The following ARHGEF1 variants were observed in gnomAD, a reference collection of about 807,000 sequenced individuals.
ARHGEF1 encodes the protein 115 kDa guanine nucleotide exchange factor.
ARHGEF1 carries 40 observed loss-of-function variants against 119.7 expected under a neutral mutation model. The ratio of observed to expected loss-of-function variants is 0.33; its 90% CI spans 0.26 to 0.44. The LOEUF (loss-of-function observed/expected upper bound fraction) is 0.44. Ranked by LOEUF, ARHGEF1 falls within the 20% of genes least tolerant of loss-of-function variation. The pLI is 1.00. For missense variants in ARHGEF1, 976 were observed against 1,268.3 expected, an observed-to-expected ratio of 0.77 and a Z score of 3.50; for synonymous variants, 494 against 521.0, an observed-to-expected ratio of 0.95 and a Z score of 0.71.
chr19:41,924,014 A>C (rs1555853034), intron 1 of ARHGEF1, among the ~76,000 whole-genome samples: 1 of 11,974 alleles, frequency 8.4e-5, no homozygotes, highest in Non-Finnish European at 1.5e-4. Flanking sequence ...GTGTCTGGGG[A>C]GGTGGGGGTG....
downstream of ARHGEF1, among the ~76,000 whole-genome samples, chr19:41,910,476 A>G (rs1174989570): frequency 6.6e-6 from 1 of 152,042 alleles, no homozygotes; most frequent in Non-Finnish European, 1.5e-5. The surrounding 1 kb of genome is among the most constrained non-coding windows in gnomAD (Gnocchi z 4.4). Flanking sequence ...AGCCAGCCCT[A>G]GGAGGTCTCT....
rs1293678066 is a variant in ARHGEF1 at position 41,917,722 on chromosome 19, C to T, written c.1866-5370C>T. ...TCAGGCACAATCTGGGGACATATCT[C>T]TCCTTACGCCACACGCCCATGTAGG... On this transcript the variant is annotated intron_variant, in intron 18 of 20. Transcript: ENST00000599589. This position sits in a 1 kb window ranked among gnomAD's most constrained non-coding sequence, Gnocchi z 4.8. Among the ~76,000 whole-genome samples, 2 of 151,842 alleles carry T rather than the reference C, an allele frequency of 1.3e-5. No individual in the cohort carries two copies. The highest frequency in any genetic ancestry group is 4.8e-5 in the African/African-American group (2 of 41,244).
At chr19:41,898,091 C>T in intron 13 of ARHGEF1, 1 of 1,377,412 alleles carries the variant, frequency 7.3e-7, no homozygotes, top group Non-Finnish European at 9.3e-7. Context: ...CACGGCAGTG[C>T]TTGGCCCTGC....
chr19:41,911,193 C>T (rs1891396363), downstream of ARHGEF1, among the ~76,000 whole-genome samples: 1 of 152,178 alleles, frequency 6.6e-6, no homozygotes, highest in African/African-American at 2.4e-5. Flanking sequence ...GGGGAGTACT[C>T]CACTGTCCAC....
chr19:41,886,997 C>T (rs1469588664), intron 1 of ARHGEF1, among the ~76,000 whole-genome samples: 1 of 151,920 alleles, frequency 6.6e-6, no homozygotes, highest in African/African-American at 2.4e-5. Flanking sequence ...CAAGGAGAGA[C>T]AAAGATGGGA....
chr19:41,890,050 T>C (rs2046307494), intron 4 of ARHGEF1: 2 of 152,240 alleles, frequency 1.3e-5, no homozygotes, highest in Non-Finnish European at 2.9e-5. Flanking sequence ...TATTCTCGCA[T>C]AGCTCCCTCA....
At position 41,888,377 on chromosome 19, in the gene ARHGEF1, C is replaced by A; in HGVS notation, c.111+99C>A. ...ATGCTGTCTTCTTGGCCTTTTCCCA[C>A]GGTCTGTCTCATCCTCTCATCTCCC... On this transcript the variant is annotated intron_variant, in intron 3 of 28. Coordinates refer to ENST00000354532, the MANE Select transcript of ARHGEF1 (RefSeq NM_004706.4). This position sits in a 1 kb window ranked among gnomAD's most constrained non-coding sequence, Gnocchi z 5.1. 1 of 1,222,890 alleles carries A rather than the reference C, an allele frequency of 8.2e-7. No homozygotes were observed. The highest frequency in any genetic ancestry group is 1.2e-6 in the Non-Finnish European group (1 of 856,670). The allele number at this position is 1,222,890 out of a possible 1,614,324, so 75.8% of individuals were successfully genotyped here. A position where few individuals can be genotyped will look rare whatever the true frequency, so the allele number is the denominator to read the frequency against.
chr19:41,927,475 C>T (rs1178426930), intron 1 of ARHGEF1, among the ~76,000 whole-genome samples: 1 of 152,088 alleles, frequency 6.6e-6, no homozygotes, highest in Non-Finnish European at 1.5e-5. Context: ...CAAGTCCAAA[C>T]TCCTATGCTG....
In ARHGEF1 at chr19:41,904,168, G is replaced by A. The variant is rs371016646; in HGVS notation, c.1994-48G>A. 1.8e-5 allele frequency: 29 copies of A among 1,612,910 alleles called. No homozygotes were observed. Among genetic ancestry groups the A allele is most frequent in the Middle Eastern group, 1.6e-4 (1 of 6,076 alleles). On this transcript the variant is annotated intron_variant, in intron 21 of 28. Coordinates refer to ENST00000354532, the MANE Select transcript of ARHGEF1 (RefSeq NM_004706.4). This position sits in a 1 kb window ranked among gnomAD's most constrained non-coding sequence, Gnocchi z 8.4. ...GTTGGGGCAGTGAGCCAAGGGCGGG[G>A]AGGGGGTCGCGCGGGGGCACGCCGT...
In ARHGEF1 at chr19:41,889,815, T is replaced by A. The variant is rs997622099; in HGVS notation, c.225+950T>A. Reference sequence around the variant, plus strand: ...GTCTTTCCCCTGTCTACATTCTCTTTCCAGAAGAGTGGTTCCCCCGACAAC... The same window carrying A: ...GTCTTTCCCCTGTCTACATTCTCTTACCAGAAGAGTGGTTCCCCCGACAAC... On this transcript the variant is annotated intron_variant, in intron 4 of 28. Transcript: ENST00000354532. This position sits in a 1 kb window ranked among gnomAD's most constrained non-coding sequence, Gnocchi z 4.0. 3.9e-5 allele frequency: 6 copies of A among 152,188 alleles called. No homozygotes were observed. The highest frequency in any genetic ancestry group is 5.9e-5 in the Non-Finnish European group (4 of 68,044). 9.4% of individuals were successfully genotyped at this position (152,188 alleles called of 1,614,324 possible). A position where few individuals can be genotyped will look rare whatever the true frequency, so the allele number is the denominator to read the frequency against.
upstream of ARHGEF1, among the ~76,000 whole-genome samples, chr19:41,919,090 C>T (rs1555852209): frequency 6.6e-6 from 1 of 151,446 alleles, no homozygotes; most frequent in African/African-American, 2.4e-5. Context: ...TACACCACAC[C>T]ACATGCCACA....
In ARHGEF1 at chr19:41,892,797, G is replaced by GCT. The variant is rs2074398432; in HGVS notation, c.563_564insTC (p.Arg189ProfsTer62). 1 of 1,595,504 alleles carries GCT rather than the reference G, an allele frequency of 6.3e-7. No individual in the cohort carries two copies. On this transcript the variant is annotated frameshift_variant, in exon 7 of 29. Transcript: ENST00000354532. LOFTEE classifies it high-confidence loss of function. The surrounding 1 kb of genome is among the most constrained non-coding windows in gnomAD (Gnocchi z 6.3). ...TGGGCGGGACCGAGCCAGCTACGAG[G>GCT]CCCGGGAGCGGCACGTGGCGGAGCG...
chr19:41,895,589 A>C (rs1599644918), intron 12 of ARHGEF1, 103 bp downstream of exon 12: 2 of 1,268,248 alleles, frequency 1.6e-6, no homozygotes, highest in South Asian at 1.5e-5. Context: ...CCCCAGCAAC[A>C]CCTCCCCTTT....
chr19:41,906,348 G>A lies in ARHGEF1; in HGVS notation c.2492-109G>A. On this transcript the variant is annotated intron_variant, in intron 26 of 28. Transcript: ENST00000354532. This position sits in a 1 kb window ranked among gnomAD's most constrained non-coding sequence, Gnocchi z 4.5. ...AACCCCATCTGCTCAGCCTTGCCTG[G>A]CACCCACCTTCACCTCCAGCCCCTA... 8.7e-7 allele frequency: 1 copy of A among 1,154,418 alleles called. No individual in the cohort carries two copies. Among genetic ancestry groups the A allele is most frequent in the Non-Finnish European group, 1.2e-6 (1 of 826,546 alleles). 71.5% of individuals were successfully genotyped at this position (1,154,418 alleles called of 1,614,324 possible). A position where few individuals can be genotyped will look rare whatever the true frequency, so the allele number is the denominator to read the frequency against.
intron 14 of ARHGEF1, among the ~76,000 whole-genome samples, chr19:41,899,422 A>G (rs1437456512): frequency 6.6e-6 from 1 of 151,088 alleles, no homozygotes. Flanking sequence ...TGGAGAGATG[A>G]TGAGTGTATC....
Position 41,905,127 on chromosome 19 carries a change from T to G in ARHGEF1, c.2250-48T>G. 1 of 1,611,088 alleles carries G rather than the reference T, an allele frequency of 6.2e-7. No homozygotes were observed. The highest frequency in any genetic ancestry group is 8.5e-7 in the Non-Finnish European group (1 of 1,177,312). On this transcript the variant is annotated intron_variant, in intron 23 of 28. Coordinates refer to ENST00000354532, the MANE Select transcript of ARHGEF1 (RefSeq NM_004706.4). This position sits in a 1 kb window ranked among gnomAD's most constrained non-coding sequence, Gnocchi z 6.4. ...GGAGGGCTGTGGGGAGGCCCTGGCA[T>G]AGGGTCTGGGGGCTCTGACTGCCCA...
intron 14 of ARHGEF1, among the ~76,000 whole-genome samples, chr19:41,899,800 G>T (rs1462789455): frequency 6.6e-6 from 1 of 152,058 alleles, no homozygotes; most frequent in Non-Finnish European, 1.5e-5. Flanking sequence ...CAAGAGAAAG[G>T]TTTGGGACTT....
chr19:41,922,754 A>G (rs1372401379), upstream of ARHGEF1, among the ~76,000 whole-genome samples: 1 of 152,186 alleles, frequency 6.6e-6, no homozygotes, highest in Non-Finnish European at 1.5e-5. Context: ...TCAGGGCTCC[A>G]GGGGCATCAG....
At position 41,905,289 on chromosome 19, in the gene ARHGEF1, G is replaced by C. The variant is rs781900176; in HGVS notation, c.2336+28G>C. The C allele has an allele frequency of 6.3e-7, 1 of 1,589,528 alleles. No homozygotes were observed. Among genetic ancestry groups the C allele is most frequent in the South Asian group, 1.1e-5 (1 of 88,342 alleles). On this transcript the variant is annotated intron_variant, in intron 24 of 28. Transcript: ENST00000354532. The surrounding 1 kb of genome is among the most constrained non-coding windows in gnomAD (Gnocchi z 6.4). ...GAGGGGGGCCATGGAGAGAGCTGGA[G>C]GTTCAGGGAGTGGGGCCGGAAGGCG...
Sources: gnomAD v4.1 joint callset for allele counts (sites outside exome capture counted in the v4.1 genomes callset) on GRCh38, gnomAD v4.1.1 for gene constraint, Gnocchi (gnomAD v3.1) non-coding constraint, MANE v1.5 for transcripts, NCBI Gene and HGNC (gene_info 2026-07-23, HGNC 2026-07-21) for gene names.